The following RTL4 variants were observed in gnomAD, a reference collection of about 807,000 sequenced individuals.
RTL4 encodes retrotransposon Gag-like protein 4.
RTL4 carries 4 observed loss-of-function variants against 5.3 expected under a neutral mutation model. The ratio of observed to expected loss-of-function variants is 0.75; its 90% CI spans 0.37 to 1.72. The LOEUF (loss-of-function observed/expected upper bound fraction) is 1.72. Among genes scored for constraint, RTL4 ranks in the 40% most tolerant of loss-of-function variants. The probability of loss-of-function intolerance (pLI) is 0.04; values close to 1 mark genes in which losing one functional copy is unlikely to be tolerated. For missense variants in RTL4, 260 were observed against 227.1 expected, an observed-to-expected ratio of 1.14 and a Z score of -0.93; for synonymous variants, 98 against 87.3, an observed-to-expected ratio of 1.12 and a Z score of -0.68.
chrX:112,257,998 G>GA, the RTL4 span, among the ~76,000 whole-genome samples: 1 of 107,878 alleles, frequency 9.3e-6, no homozygotes, highest in African/African-American at 3.4e-5. Context: ...TCTTTGAAAG[G>GA]TTGTTTTTGT....
the RTL4 span, among the ~76,000 whole-genome samples, chrX:112,228,709 G>A: frequency 9.0e-6 from 1 of 111,569 alleles, no homozygotes; most frequent in African/African-American, 3.3e-5. Context: ...CCAGCCTGTG[G>A]GAACCTCAGT....
the RTL4 span, among the ~76,000 whole-genome samples, chrX:112,276,465 T>G: frequency 8.9e-6 from 1 of 112,292 alleles, no homozygotes; most frequent in Non-Finnish European, 1.9e-5. Context: ...CACTAGTCTA[T>G]TAAAAGCTCT....
At chrX:112,158,209 C>G in the RTL4 span, among the ~76,000 whole-genome samples, 4 of 111,499 alleles carry the variant, frequency 3.6e-5, no homozygotes, top group Non-Finnish European at 7.5e-5. Flanking sequence ...AGCAGAAAGT[C>G]TTCTAAAAGA....
chrX:112,125,004 G>A, the RTL4 span, among the ~76,000 whole-genome samples: 4 of 109,637 alleles, frequency 3.6e-5, no homozygotes, highest in Middle Eastern at 4.7e-3. Context: ...AGGTTCAAGC[G>A]ATTCTCCTGC....
the RTL4 span, among the ~76,000 whole-genome samples, chrX:112,374,011 T>G: frequency 9.0e-6 from 1 of 111,513 alleles, no homozygotes; most frequent in Non-Finnish European, 1.9e-5. Context: ...ATGCATGCTC[T>G]TCCTAATATA....
At chrX:112,360,791 G>A in the RTL4 span, among the ~76,000 whole-genome samples, 2 of 109,035 alleles carry the variant, frequency 1.8e-5, no homozygotes, top group Admixed American at 2.0e-4. Context: ...GTATACTTCT[G>A]AAAAAAAATG....
chrX:112,408,038 C>T, the RTL4 span, among the ~76,000 whole-genome samples: 1 of 111,638 alleles, frequency 9.0e-6, no homozygotes, highest in Non-Finnish European at 1.9e-5. Flanking sequence ...TGGGTAGAAA[C>T]AAGCCCAGAC....
At chrX:112,423,427 A>T in the RTL4 span, among the ~76,000 whole-genome samples, 1 of 110,094 alleles carries the variant, frequency 9.1e-6, no homozygotes, top group African/African-American at 3.3e-5. Context: ...ACATACAAAG[A>T]TCAAATAATA....
At chrX:112,330,594 C>T in the RTL4 span, among the ~76,000 whole-genome samples, 46 of 110,608 alleles carry the variant, frequency 4.2e-4, no homozygotes, top group Admixed American at 2.3e-3. Context: ...AGGTAATTTA[C>T]AGATTCAATG....
chrX:112,169,084 T>TC, the RTL4 span, among the ~76,000 whole-genome samples: 1 of 42,747 alleles, frequency 2.3e-5, no homozygotes, highest in Non-Finnish European at 4.8e-5. Context: ...TCTTTCTTTC[T>TC]TTTCTTTCTT....
At chrX:112,441,901 A>C in the RTL4 span, among the ~76,000 whole-genome samples, 1 of 112,319 alleles carries the variant, frequency 8.9e-6, no homozygotes, top group Non-Finnish European at 1.9e-5. Flanking sequence ...AAGTAAAACA[A>C]GAGGTGGTAT....
upstream of RTL4, among the ~76,000 whole-genome samples, chrX:112,450,197 T>A (rs1351796301): frequency 8.9e-6 from 1 of 112,311 alleles, no homozygotes; most frequent in African/African-American, 3.2e-5. Context: ...CCAAATGGGA[T>A]CTCAAGGGAC....
At chrX:112,228,143 T>C in the RTL4 span, among the ~76,000 whole-genome samples, 1 of 111,358 alleles carries the variant, frequency 9.0e-6, no homozygotes, top group Non-Finnish European at 1.9e-5. Flanking sequence ...TCAGTCCCCC[T>C]ACCTGTGGAT....
chrX:112,313,639 ACT>A, the RTL4 span, among the ~76,000 whole-genome samples: 20 of 107,023 alleles, frequency 1.9e-4, 1 homozygote, highest in Admixed American at 6.1e-4. Flanking sequence ...TCTCTCACTC[ACT>A]CTCTCTCTGT....
the RTL4 span, among the ~76,000 whole-genome samples, chrX:112,418,151 A>T: frequency 8.9e-6 from 1 of 111,809 alleles, no homozygotes. Context: ...CTGTCTCAAA[A>T]AAACAAATAA....
the RTL4 span, among the ~76,000 whole-genome samples, chrX:112,232,857 CAGCTTCCCCACTTCTTGAGGGG>C: frequency 9.0e-6 from 1 of 111,019 alleles, no homozygotes. Context: ...CCCCAAGCCC[CAGCTTCCCCACTTCTTGAGGGG>C]AGCTGAGGTA....
chrX:112,305,455 C>T, the RTL4 span, among the ~76,000 whole-genome samples: 7 of 110,023 alleles, frequency 6.4e-5, no homozygotes, highest in South Asian at 7.8e-4. Flanking sequence ...CTCCACCTCC[C>T]GGGTTCACAC....
the RTL4 span, among the ~76,000 whole-genome samples, chrX:112,172,023 A>C: frequency 2.7e-5 from 3 of 112,443 alleles, no homozygotes; most frequent in Admixed American, 9.4e-5. Flanking sequence ...AGAAAAAAAC[A>C]AACAACTCCA....
chrX:112,274,297 G>T, the RTL4 span, among the ~76,000 whole-genome samples: 1 of 111,763 alleles, frequency 8.9e-6, no homozygotes, highest in African/African-American at 3.3e-5. Context: ...CGAGAAGCTG[G>T]AGGGAAATTT....
Sources: gnomAD v4.1 joint callset for allele counts (sites outside exome capture counted in the v4.1 genomes callset) on GRCh38, gnomAD v4.1.1 for gene constraint, MANE v1.5 for transcripts, NCBI Gene and HGNC (gene_info 2026-07-23, HGNC 2026-07-21) for gene names.